Variants in ETNK1 observed in about 807,000 individuals in gnomAD.
ETNK1 encodes ethanolamine kinase 1, also known as putative protein product of Nbla10396.
In ETNK1, 8 loss-of-function variants were observed where a neutral mutation model predicts 45.1. That is an observed-to-expected ratio of 0.18 (90% CI 0.10 to 0.32). The LOEUF is 0.32. Ranked by LOEUF, ETNK1 falls within the 10% of genes least tolerant of loss-of-function variation. The pLI, the probability that ETNK1 is intolerant of heterozygous loss-of-function variation, is 1.00. For missense variants in ETNK1, 302 were observed against 430.6 expected (o/e 0.70, Z 2.64); for synonymous variants, 152 against 151.9 (o/e 1.00, Z -0.01).
chr12:22,653,341 G>T (rs1022450912), intron 2 of ETNK1, among the ~76,000 whole-genome samples: 2 of 151,954 alleles, frequency 1.3e-5, no homozygotes, highest in Non-Finnish European at 2.9e-5. Context: ...TAGCTACTCG[G>T]GTCCCTTGAG....
intron 2 of ETNK1, among the ~76,000 whole-genome samples, chr12:22,649,432 G>A (rs946321043): frequency 3.9e-5 from 6 of 151,994 alleles, no homozygotes; most frequent in African/African-American, 1.2e-4. Context: ...GTTTTTGCAC[G>A]TGAAGGTCCA....
Position 22,644,010 on chromosome 12 carries a change from C to T in ETNK1, c.404C>T (p.Pro135Leu). The change falls in exon 2 of 8, where the codon CCA becomes CTA. Residue 135 changes from proline to leucine, a missense_variant. By Grantham distance (98) the Pro-to-Leu change is moderately conservative. Around this residue, in one of 3 missense-constraint regions of ETNK1, gnomAD observed 205 missense variants for 259.9 expected, o/e 0.79. Transcript: ENST00000266517. ...EALDPKHVCNPAIFRLIARQL... is the reference protein window; with the variant it reads ...EALDPKHVCNLAIFRLIARQL... ...CTGGATCCAAAGCATGTCTGCAACCCAGCCATTTTCAGGTACATTTTCTTT... is the reference window on the plus strand; with the variant it reads ...CTGGATCCAAAGCATGTCTGCAACCTAGCCATTTTCAGGTACATTTTCTTT... 1 of 1,588,388 alleles carries T rather than the reference C, an allele frequency of 6.3e-7. No homozygotes were observed. The highest frequency in any genetic ancestry group is 8.6e-7 in the Non-Finnish European group (1 of 1,164,066).
chr12:22,675,486 G>A (rs1448840143), intron 6 of ETNK1, among the ~76,000 whole-genome samples: 5 of 150,704 alleles, frequency 3.3e-5, no homozygotes, highest in African/African-American at 1.2e-4. Flanking sequence ...CTCCCAAGTA[G>A]CTAGGACTAC....
intron 2 of ETNK1, among the ~76,000 whole-genome samples, chr12:22,646,418 T>G (rs1953807658): frequency 6.6e-6 from 1 of 151,926 alleles, no homozygotes; most frequent in South Asian, 2.1e-4. Context: ...GTTAAAGATG[T>G]AAATTTGGGA....
chr12:22,676,884 G>GT (rs1349177063), intron 6 of ETNK1, among the ~76,000 whole-genome samples: 2 of 151,782 alleles, frequency 1.3e-5, no homozygotes, highest in Non-Finnish European at 2.9e-5. Flanking sequence ...ATTTGTTTAA[G>GT]TTTTTTGTAG....
chr12:22,628,513 T>C (rs1484991109), intron 1 of ETNK1, among the ~76,000 whole-genome samples: 1 of 152,138 alleles, frequency 6.6e-6, no homozygotes, highest in Non-Finnish European at 1.5e-5. Flanking sequence ...GTTTAACTTA[T>C]TTGAAGATTT....
At chr12:22,661,226 G>A (rs769607611) in intron 4 of ETNK1, 21 bp downstream of exon 4, 5 of 1,570,862 alleles carry the variant, frequency 3.2e-6, no homozygotes, top group Non-Finnish European at 4.3e-6. Context: ...GACCTTAGCA[G>A]TAAGTAAAAT....
chr12:22,639,544 G>A (rs1953706877), intron 1 of ETNK1, among the ~76,000 whole-genome samples: 3 of 152,058 alleles, frequency 2.0e-5, no homozygotes, highest in Admixed American at 2.0e-4. Context: ...AGACATAGTG[G>A]CAGGCACCTG....
In ETNK1 at chr12:22,675,620, G is replaced by A. The variant is rs540023460; in HGVS notation, c.945+1960G>A. ...CAGTTCTCCAGCCTCAGCCTCCCAG[G>A]GTATTGGGACTACAGGCATAAGCCC... On this transcript the variant is annotated intron_variant, in intron 6 of 7. Coordinates refer to ENST00000266517, the MANE Select transcript of ETNK1 (RefSeq NM_018638.5). 3.8e-4 allele frequency among the ~76,000 whole-genome samples: 58 copies of A among 152,146 alleles called. 4 individuals are homozygous for A. The South Asian group carries it at 9.9e-3, about 26-fold the overall frequency.
intron 2 of ETNK1, among the ~76,000 whole-genome samples, chr12:22,658,801 A>G (rs1953970109): frequency 6.6e-6 from 1 of 152,192 alleles, no homozygotes; most frequent in Admixed American, 6.5e-5. Context: ...ATGGTGAAGG[A>G]TAAGGAACCT....
At chr12:22,650,081 A>C (rs1953855906) in intron 2 of ETNK1, among the ~76,000 whole-genome samples, 1 of 151,872 alleles carries the variant, frequency 6.6e-6, no homozygotes, top group African/African-American at 2.4e-5. Context: ...AGTGCATTTT[A>C]TTTTCAATTT....
chr12:22,656,031 G>A (rs1316928075), intron 2 of ETNK1, among the ~76,000 whole-genome samples: 1 of 152,108 alleles, frequency 6.6e-6, no homozygotes, highest in Non-Finnish European at 1.5e-5. Flanking sequence ...TTCAAAATTA[G>A]TTAATACTTT....
At chr12:22,653,773 A>C (rs1350259695) in intron 2 of ETNK1, among the ~76,000 whole-genome samples, 2 of 152,150 alleles carry the variant, frequency 1.3e-5, no homozygotes, top group Non-Finnish European at 2.9e-5. Context: ...TACAAATTTC[A>C]TGCTTTGTTC....
chr12:22,664,191 T>C (rs1954033119), intron 4 of ETNK1, among the ~76,000 whole-genome samples: 5 of 151,886 alleles, frequency 3.3e-5, no homozygotes. Flanking sequence ...TCAAAAATAG[T>C]CAATATTGAG....
chr12:22,650,003 A>T (rs1185603118), intron 2 of ETNK1, among the ~76,000 whole-genome samples: 2 of 152,074 alleles, frequency 1.3e-5, no homozygotes, highest in Non-Finnish European at 2.9e-5. Flanking sequence ...TTCCTCATAT[A>T]AATCTTGTAC....
intron 1 of ETNK1, among the ~76,000 whole-genome samples, chr12:22,643,221 G>C (rs1379994496): frequency 6.6e-6 from 1 of 151,976 alleles, no homozygotes; most frequent in Non-Finnish European, 1.5e-5. Context: ...TTGGAGATTT[G>C]CCATAATGTA....
intron 2 of ETNK1, chr12:22,656,312 A>G: frequency 1.6e-6 from 1 of 625,022 alleles, no homozygotes; most frequent in Non-Finnish European, 2.0e-6. Context: ...GAACTTCAAA[A>G]TACTTTATTT....
At chr12:22,636,534 T>C (rs1191997604) in intron 1 of ETNK1, among the ~76,000 whole-genome samples, 2 of 152,216 alleles carry the variant, frequency 1.3e-5, no homozygotes, top group Admixed American at 6.5e-5. Context: ...TAATATTTCA[T>C]TAAGGTCTAT....
chr12:22,658,980 A>G, intron 2 of ETNK1, 34 bp from the exon 3 acceptor site: 1 of 1,596,148 alleles, frequency 6.3e-7, no homozygotes, highest in Non-Finnish European at 8.5e-7. Context: ...ATGATACTTA[A>G]GTTTTTCTTT....
Sources: gnomAD v4.1 joint callset for allele counts (sites outside exome capture counted in the v4.1 genomes callset) on GRCh38, gnomAD v4.1.1 for gene constraint, gnomAD v4.1.1 regional missense constraint, MANE v1.5 for transcripts, NCBI Gene and HGNC (gene_info 2026-07-23, HGNC 2026-07-21) for gene names.